ATF6: variants seen among roughly 807,000 people sequenced by gnomAD.
The protein encoded by ATF6 is cyclic AMP-dependent transcription factor ATF-6 alpha.
A neutral mutation model predicts 83.6 loss-of-function variants in ATF6; 53 were observed. That is an observed-to-expected ratio of 0.63 (90% CI 0.51 to 0.80). ATF6 has a LOEUF of 0.80. Ranked by LOEUF, ATF6 falls within the 30% of genes least tolerant of loss-of-function variation. ATF6 has a pLI of 0.00. For missense variants in ATF6, 744 were observed against 797.9 expected (o/e 0.93, Z 0.81); for synonymous variants, 288 against 285.8 (o/e 1.01, Z -0.08).
chr1:161,832,576 C>T (rs578081712), intron 9 of ATF6, among the ~76,000 whole-genome samples: 18 of 152,340 alleles, frequency 1.2e-4, no homozygotes, highest in South Asian at 6.2e-4. Context: ...GCTCTTCCAA[C>T]GGGCTTAACA....
intron 15 of ATF6, among the ~76,000 whole-genome samples, chr1:161,936,693 AC>A (rs1338667391): frequency 6.6e-6 from 1 of 152,194 alleles, no homozygotes; most frequent in African/African-American, 2.4e-5. Flanking sequence ...TTTAATATCC[AC>A]ACTCACATTT....
At chr1:161,879,041 G>A (rs937967727) in intron 14 of ATF6, among the ~76,000 whole-genome samples, 2 of 152,110 alleles carry the variant, frequency 1.3e-5, no homozygotes, top group Non-Finnish European at 2.9e-5. Flanking sequence ...CCTTGAGAAG[G>A]GGCAAAAGGG....
At chr1:161,921,688 G>T (rs1688215355) in intron 15 of ATF6, among the ~76,000 whole-genome samples, 1 of 152,196 alleles carries the variant, frequency 6.6e-6, no homozygotes, top group African/African-American at 2.4e-5. Context: ...GATGTCATTG[G>T]TGGGTATTTT....
chr1:161,907,585 A>G (rs1687900792), intron 14 of ATF6, among the ~76,000 whole-genome samples: 1 of 152,198 alleles, frequency 6.6e-6, no homozygotes, highest in African/African-American at 2.4e-5. Context: ...TAGAAATAAC[A>G]TTCCTTTCTA....
At chr1:161,778,511 T>A (rs757231784) in intron 2 of ATF6, among the ~76,000 whole-genome samples, 191 bp downstream of exon 2, 4 of 152,188 alleles carry the variant, frequency 2.6e-5, no homozygotes, top group Non-Finnish European at 4.4e-5. Context: ...GAAATTGCAT[T>A]GTATTGCAAT....
chr1:161,829,008 A>G (rs183978515), intron 9 of ATF6, among the ~76,000 whole-genome samples: 11 of 152,236 alleles, frequency 7.2e-5, no homozygotes, highest in African/African-American at 2.6e-4. Flanking sequence ...ACAGACTTTA[A>G]ACCAGCAGAG....
intron 14 of ATF6, among the ~76,000 whole-genome samples, chr1:161,870,072 CT>C (rs1687088954): frequency 6.6e-6 from 1 of 151,306 alleles, no homozygotes; most frequent in African/African-American, 2.4e-5. Context: ...ATATCTGGCA[CT>C]TTTAGATGTA....
At chr1:161,924,883 A>G (rs559663043) in intron 15 of ATF6, among the ~76,000 whole-genome samples, 137 of 152,312 alleles carry the variant, frequency 9.0e-4, no homozygotes, top group Middle Eastern at 6.8e-3. Flanking sequence ...AAAGTTATCC[A>G]TGGTAACTCC....
chr1:161,841,704 T>C (rs1235782939), intron 9 of ATF6, among the ~76,000 whole-genome samples: 1 of 152,164 alleles, frequency 6.6e-6, no homozygotes, highest in African/African-American at 2.4e-5. Context: ...GCGTCTGAGC[T>C]CCTTAACTCA....
chr1:161,822,932 A>C (rs1331518458), intron 9 of ATF6, among the ~76,000 whole-genome samples: 1 of 152,160 alleles, frequency 6.6e-6, no homozygotes, highest in Non-Finnish European at 1.5e-5. Flanking sequence ...TAGTTTAAAA[A>C]TTTTGGTTTT....
At chr1:161,872,437 A>G (rs1026586145) in intron 14 of ATF6, among the ~76,000 whole-genome samples, 2 of 151,616 alleles carry the variant, frequency 1.3e-5, no homozygotes, top group Non-Finnish European at 3.0e-5. Flanking sequence ...TCCAGAGACT[A>G]AGACAAAGCC....
intron 9 of ATF6, among the ~76,000 whole-genome samples, chr1:161,823,856 T>G (rs1214211259): frequency 1.3e-5 from 2 of 152,222 alleles, no homozygotes; most frequent in Non-Finnish European, 2.9e-5. Context: ...AGTGCACACT[T>G]GCCCAACTGC....
chr1:161,819,482 G>A (rs1685697461), intron 7 of ATF6, 151 bp from the exon 8 acceptor site: 3 of 442,930 alleles, frequency 6.8e-6, no homozygotes, highest in Non-Finnish European at 7.5e-6. Flanking sequence ...TTTAGTTTGA[G>A]CAGTGTGTTT....
At chr1:161,826,425 G>A (rs139527171) in intron 9 of ATF6, among the ~76,000 whole-genome samples, 1 of 152,228 alleles carries the variant, frequency 6.6e-6, no homozygotes, top group East Asian at 1.9e-4. Context: ...AGAGATGATG[G>A]TCCCTATTTT....
Position 161,888,615 on chromosome 1 carries a change from C to T in ATF6, c.1720-23681C>T, listed in dbSNP as rs139650213. On this transcript the variant is annotated intron_variant, in intron 14 of 15. Transcript: ENST00000367942. Reference sequence around the variant, plus strand: ...CATTTCTCTATATCCAAAACTATCACCAAGTACTGTTAATTTTACTTTATA... The same window carrying T: ...CATTTCTCTATATCCAAAACTATCATCAAGTACTGTTAATTTTACTTTATA... 3.0e-3 allele frequency among the ~76,000 whole-genome samples: 458 copies of T among 152,228 alleles called. 1 individual carries two copies. The highest frequency in any genetic ancestry group is 0.011 in the African/African-American group (442 of 41,542).
At chr1:161,870,849 G>C (rs907744801) in intron 14 of ATF6, among the ~76,000 whole-genome samples, 1 of 151,714 alleles carries the variant, frequency 6.6e-6, no homozygotes, top group Non-Finnish European at 1.5e-5. Flanking sequence ...TTCTCAGAAT[G>C]GTGGGCAGAT....
chr1:161,865,175 T>C (rs574397625), intron 14 of ATF6, among the ~76,000 whole-genome samples: 1 of 152,210 alleles, frequency 6.6e-6, no homozygotes, highest in East Asian at 1.9e-4. Flanking sequence ...TTTTTTTTCT[T>C]TTGAGATGGA....
rs537842468 is a variant in ATF6 at position 161,872,493 on chromosome 1, G to A, written c.1719+9181G>A. Among the ~76,000 whole-genome samples the A allele has an allele frequency of 1.5e-4, 22 of 151,644 alleles. 1 individual carries two copies. The South Asian group carries it at 4.4e-3, about 30-fold the overall frequency. On this transcript the variant is annotated intron_variant, in intron 14 of 15. Transcript: ENST00000367942. ...TGTTACTCAAAGTAATAGTGTAGGA[G>A]GAACAAGAGCCAGCAGGGAAACACA... is the stretch of plus-strand genomic sequence containing the variant.
intron 15 of ATF6, among the ~76,000 whole-genome samples, chr1:161,939,422 C>T (rs1688601875): frequency 6.6e-6 from 1 of 152,180 alleles, no homozygotes; most frequent in Admixed American, 6.5e-5. Context: ...CCCATTAACT[C>T]GTCATTTATA....
Sources: gnomAD v4.1 joint callset for allele counts (sites outside exome capture counted in the v4.1 genomes callset) on GRCh38, gnomAD v4.1.1 for gene constraint, MANE v1.5 for transcripts, NCBI Gene and HGNC (gene_info 2026-07-23, HGNC 2026-07-21) for gene names.